VWDE: variants seen among roughly 807,000 people sequenced by gnomAD.
The protein encoded by VWDE is von Willebrand factor D and EGF domain-containing protein.
VWDE carries 207 observed loss-of-function variants against 178.4 expected under a neutral mutation model. That is an observed-to-expected ratio of 1.16 (90% CI 1.04 to 1.30). VWDE has a LOEUF of 1.30. Ranked by LOEUF, VWDE falls within the 50% of genes most tolerant of loss-of-function variation. The probability of loss-of-function intolerance (pLI) is 0.00; values close to 1 mark genes in which losing one functional copy is unlikely to be tolerated. For missense variants in VWDE, 2,287 were observed against 1,901.3 expected (o/e 1.20, Z -3.77); for synonymous variants, 738 against 651.4 (o/e 1.13, Z -2.02).
intron 18 of VWDE, among the ~76,000 whole-genome samples, chr7:12,352,029 G>T (rs1244417779): frequency 6.6e-6 from 1 of 152,094 alleles, no homozygotes; most frequent in African/African-American, 2.4e-5. Context: ...CACGAAAACA[G>T]GAAGAGATAC....
chr7:12,372,518 A>G (rs1036956628), intron 10 of VWDE, among the ~76,000 whole-genome samples: 5 of 152,070 alleles, frequency 3.3e-5, no homozygotes, highest in African/African-American at 9.7e-5. Flanking sequence ...TTAAAAAAAT[A>G]TTAGCCTGCC....
At chr7:12,367,797 T>G (rs949021552) in intron 12 of VWDE, among the ~76,000 whole-genome samples, 9 of 152,124 alleles carry the variant, frequency 5.9e-5, no homozygotes, top group African/African-American at 2.2e-4. Context: ...ACCACTACAA[T>G]AAAGTACATT....
intron 7 of VWDE, 34 bp from the exon 8 acceptor site, chr7:12,375,261 A>G: frequency 2.1e-6 from 3 of 1,456,332 alleles, no homozygotes; most frequent in Non-Finnish European, 2.8e-6. Flanking sequence ...AAAAATTTCC[A>G]AGAGAATATA....
chr7:12,397,243 T>C (rs1017688381), intron 1 of VWDE, among the ~76,000 whole-genome samples: 1 of 151,996 alleles, frequency 6.6e-6, no homozygotes, highest in Non-Finnish European at 1.5e-5. Context: ...TGGAACAGAA[T>C]AGAGAACCCA....
chr7:12,388,039 A>C (rs1784191588), intron 3 of VWDE, among the ~76,000 whole-genome samples: 2 of 152,164 alleles, frequency 1.3e-5, no homozygotes, highest in Non-Finnish European at 2.9e-5. Context: ...AGATTTTACG[A>C]ATCTGAATTT....
In VWDE at chr7:12,399,628, T is replaced by C. The variant is rs556510037; in HGVS notation, c.58+4031A>G. 5.3e-5 allele frequency among the ~76,000 whole-genome samples: 8 copies of C among 152,248 alleles called. No homozygotes were observed. The East Asian group carries it at 1.5e-3, about 29-fold the overall frequency. On this transcript the variant is annotated intron_variant, in intron 1 of 28. Coordinates refer to ENST00000275358, the MANE Select transcript of VWDE (RefSeq NM_001135924.3). The stretch of plus-strand genomic sequence containing the variant: ...TATCAGAATATAAATTTTCCCCAAG[T>C]GCACATGGAATATTCGCCAAAATAG...
At chr7:12,357,957 C>A (rs889822409) in intron 16 of VWDE, among the ~76,000 whole-genome samples, 2 of 152,146 alleles carry the variant, frequency 1.3e-5, no homozygotes, top group Admixed American at 1.3e-4. Flanking sequence ...TGCTCCGTTT[C>A]TTTGGCTCCT....
intron 1 of VWDE, among the ~76,000 whole-genome samples, chr7:12,402,826 A>G (rs1025562644): frequency 6.6e-5 from 10 of 152,168 alleles, no homozygotes; most frequent in African/African-American, 1.9e-4. Flanking sequence ...AAGATCAAAA[A>G]ATGATAAGAC....
At chr7:12,358,950 C>T (rs188908484) in intron 16 of VWDE, among the ~76,000 whole-genome samples, 1 of 152,236 alleles carries the variant, frequency 6.6e-6, no homozygotes, top group Admixed American at 6.5e-5. Flanking sequence ...TATTACACAG[C>T]ATTGTATAAA....
intron 13 of VWDE, among the ~76,000 whole-genome samples, chr7:12,364,628 A>T (rs1782762568): frequency 6.6e-6 from 1 of 152,178 alleles, no homozygotes; most frequent in Non-Finnish European, 1.5e-5. Flanking sequence ...AATTGGAAAC[A>T]AGGAACAGCT....
At chr7:12,362,798 G>A (rs1562486842) in intron 13 of VWDE, among the ~76,000 whole-genome samples, 1 of 152,074 alleles carries the variant, frequency 6.6e-6, no homozygotes, top group Non-Finnish European at 1.5e-5. Context: ...AAGGGAGTAT[G>A]GAGAGTCTAG....
At position 12,342,898 on chromosome 7, in the gene VWDE, G is replaced by T. The variant is rs929653680; in HGVS notation, c.4174+185C>A. 2.9e-5 allele frequency among the ~76,000 whole-genome samples: 4 copies of T among 139,878 alleles called. No individual in the cohort carries two copies. In the East Asian group the frequency reaches 8.5e-4, roughly 30 times the overall value. 91.8% of individuals were successfully genotyped at this position (139,878 alleles called of 152,430 possible). Reference sequence around the variant, plus strand: ...CTTCCTGTGTCCATGTGATCCCATTGTTCAATTCCCACCTATGAGTGAGAA... The same window carrying T: ...CTTCCTGTGTCCATGTGATCCCATTTTTCAATTCCCACCTATGAGTGAGAA... On this transcript the variant is annotated intron_variant, in intron 22 of 28. Transcript: ENST00000275358.
intron 23 of VWDE, among the ~76,000 whole-genome samples, chr7:12,341,633 A>AT (rs1040258381): frequency 1.2e-5 from 1 of 85,388 alleles, no homozygotes. Context: ...CTCTGTCTAA[A>AT]TGAAAAAAAA....
Position 12,333,920 on chromosome 7 carries a change from T to A in VWDE, c.4655-352A>T, listed in dbSNP as rs543080425. Among the ~76,000 whole-genome samples the A allele has an allele frequency of 3.7e-4, 56 of 152,298 alleles. No individual in the cohort carries two copies. The South Asian group carries it at 0.012, about 32-fold the overall frequency. On this transcript the variant is annotated intron_variant, in intron 27 of 28. Transcript: ENST00000275358. Reference sequence around the variant, plus strand: ...AGAAGATAGCATCTATAATTTACTTTTTAACATTAAGCAAAAATTTAAAAG... The same window carrying A: ...AGAAGATAGCATCTATAATTTACTTATTAACATTAAGCAAAAATTTAAAAG...
chr7:12,367,624 C>A, intron 12 of VWDE, 131 bp from the exon 13 acceptor site: 1 of 696,790 alleles, frequency 1.4e-6, no homozygotes, highest in Non-Finnish European at 2.2e-6. Flanking sequence ...ATGCTGCTTA[C>A]AACACTAATT....
At chr7:12,382,442 T>C (rs1262434093) in intron 4 of VWDE, among the ~76,000 whole-genome samples, 3 of 151,396 alleles carry the variant, frequency 2.0e-5, no homozygotes, top group South Asian at 4.2e-4. Flanking sequence ...GTGTAAAATA[T>C]ACAAAAAAAA....
At chr7:12,403,593 C>T in intron 1 of VWDE, 66 bp downstream of exon 1, 2 of 1,481,138 alleles carry the variant, frequency 1.4e-6, no homozygotes, top group Non-Finnish European at 1.8e-6. Flanking sequence ...AAAAGTCTAG[C>T]CTAGTCCCTC....
In VWDE at chr7:12,356,153, C is replaced by A; in HGVS notation, c.3703G>T (p.Gly1235Cys). Residue 1235 changes from glycine to cysteine, a missense_variant, in exon 18 of 29, where the codon GGT becomes TGT. Physicochemically the swap from Gly to Cys is radical, Grantham distance 159. Transcript: ENST00000275358. ...NPCGLGSYIS[G>C]FHSYSCDCPP... is the part of the protein sequence containing the mutation. ...CAATCACAGGAATAACTGTGAAAAC[C>A]ACTAATATAGCTGCCAAGACCACAA... The A allele has an allele frequency of 3.2e-6, 5 of 1,551,418 alleles. No individual in the cohort carries two copies. Among genetic ancestry groups the A allele is most frequent in the Non-Finnish European group, 4.4e-6 (5 of 1,146,966 alleles).
chr7:12,363,488 A>C (rs772391569), intron 13 of VWDE, among the ~76,000 whole-genome samples: 4 of 152,068 alleles, frequency 2.6e-5, no homozygotes, highest in Non-Finnish European at 5.9e-5. Context: ...GGAGGAAGTG[A>C]AAGAAATGCT....
Sources: allele counts gnomAD v4.1 joint callset (sites outside exome capture counted in the v4.1 genomes callset), GRCh38; gene constraint gnomAD v4.1.1; transcripts MANE v1.5; gene names NCBI Gene and HGNC (gene_info 2026-07-23, HGNC 2026-07-21).